VOPP1: variants seen among roughly 807,000 people sequenced by gnomAD.
VOPP1 encodes the protein WW domain binding protein VOPP1.
VOPP1 carries 8 observed loss-of-function variants against 23.5 expected under a neutral mutation model. That is an observed-to-expected ratio of 0.34 (90% CI 0.20 to 0.61). VOPP1 has a LOEUF of 0.61. VOPP1 is among the 20% of genes least tolerant of loss of function. VOPP1 has a pLI of 0.78. For missense variants in VOPP1, 174 were observed against 238.1 expected (o/e 0.73, Z 1.77); for synonymous variants, 83 against 97.3 (o/e 0.85, Z 0.86).
intron 4 of VOPP1, among the ~76,000 whole-genome samples, chr7:55,483,577 G>C (rs955151654): frequency 7.2e-5 from 11 of 152,016 alleles, no homozygotes; most frequent in African/African-American, 2.7e-4. Flanking sequence ...GGGTTCCTTT[G>C]CTTAGGTTTA....
chr7:55,559,285 G>C (rs1797907242), intron 1 of VOPP1, among the ~76,000 whole-genome samples: 1 of 152,142 alleles, frequency 6.6e-6, no homozygotes, highest in South Asian at 2.1e-4. Context: ...TACATCACTA[G>C]GTCATGCTGA....
chr7:55,443,046 G>A (rs1359668065), intron 4 of VOPP1, among the ~76,000 whole-genome samples: 2 of 151,830 alleles, frequency 1.3e-5, no homozygotes, highest in African/African-American at 4.8e-5. Flanking sequence ...GTGAACTCAG[G>A]AGGCAGAGCT....
At chr7:55,534,389 A>G (rs1796663043) in intron 1 of VOPP1, among the ~76,000 whole-genome samples, 1 of 152,194 alleles carries the variant, frequency 6.6e-6, no homozygotes, top group Non-Finnish European at 1.5e-5. Context: ...GCTTGGGCCA[A>G]TTCTCACTTC....
At chr7:55,562,070 G>C in intron 1 of VOPP1, 1 of 703,104 alleles carries the variant, frequency 1.4e-6, no homozygotes, top group Middle Eastern at 2.3e-4. Flanking sequence ...AAATAAAGAT[G>C]ACTAGGCTCC....
intron 1 of VOPP1, among the ~76,000 whole-genome samples, chr7:55,531,666 T>G (rs1796506830): frequency 6.6e-6 from 1 of 152,150 alleles, no homozygotes; most frequent in Non-Finnish European, 1.5e-5. Context: ...TCATCTTTTT[T>G]TGATGTAATT....
chr7:55,521,581 G>A (rs1228652361), intron 1 of VOPP1: 5 of 988,020 alleles, frequency 5.1e-6, no homozygotes, highest in Non-Finnish European at 6.0e-6. Flanking sequence ...TCCGACCTAC[G>A]TCTGCAAGAT....
At chr7:55,513,854 C>T (rs1336111119) in intron 2 of VOPP1, among the ~76,000 whole-genome samples, 3 of 152,204 alleles carry the variant, frequency 2.0e-5, no homozygotes, top group African/African-American at 7.2e-5. Context: ...CTAACCCACC[C>T]TCAATTTTCT....
At chr7:55,436,329 A>C (rs963217953) in intron 4 of VOPP1, among the ~76,000 whole-genome samples, 1 of 152,138 alleles carries the variant, frequency 6.6e-6, no homozygotes, top group African/African-American at 2.4e-5. Context: ...TTGAGCCTCC[A>C]TTTCTTCTCT....
intron 1 of VOPP1, among the ~76,000 whole-genome samples, chr7:55,534,512 T>C (rs1182038555): frequency 6.6e-6 from 1 of 152,228 alleles, no homozygotes; most frequent in Non-Finnish European, 1.5e-5. Flanking sequence ...GGCTCAGTAC[T>C]TTCCCCCAAC....
At chr7:55,560,509 C>G (rs1401709064) in intron 1 of VOPP1, among the ~76,000 whole-genome samples, 1 of 152,168 alleles carries the variant, frequency 6.6e-6, no homozygotes, top group African/African-American at 2.4e-5. Flanking sequence ...CCAAGAAACA[C>G]AGGCAGTCCC....
chr7:55,471,720 A>G lies in VOPP1; in HGVS notation c.*1135T>C, dbSNP rs1200528332. 3 of 151,892 alleles carry G rather than the reference A, an allele frequency of 2.0e-5. No individual in the cohort carries two copies. Among genetic ancestry groups the G allele is most frequent in the Non-Finnish European group, 4.4e-5 (3 of 67,988 alleles). The allele number at this position is 151,892 out of a possible 1,614,324, so 9.4% of individuals were successfully genotyped here. Reference sequence around the variant, plus strand: ...GTGCATTTCCGACCACTTCTTCTTTATTCTAATTATGACAACATGGTCAGT... The same window carrying G: ...GTGCATTTCCGACCACTTCTTCTTTGTTCTAATTATGACAACATGGTCAGT... On this transcript the variant is annotated 3_prime_UTR_variant, in exon 5 of 5. Coordinates refer to ENST00000285279, the MANE Select transcript of VOPP1 (RefSeq NM_030796.5).
chr7:55,455,643 A>C lies in VOPP1; in HGVS notation n.418-19469T>G, dbSNP rs1228109635. On this transcript the variant is annotated intron_variant and non_coding_transcript_variant, in intron 4 of 4. Transcript: ENST00000462326. ...GAACAGAACAGAGACCTCAGAAATA[A>C]CACCACACATCTACAACCATCTGAT... 5.3e-5 allele frequency among the ~76,000 whole-genome samples: 8 copies of C among 152,334 alleles called. No homozygotes were observed. In the East Asian group the frequency reaches 1.5e-3, roughly 29 times the overall value.
At chr7:55,525,229 G>T (rs1325713244) in intron 1 of VOPP1, among the ~76,000 whole-genome samples, 1 of 152,112 alleles carries the variant, frequency 6.6e-6, no homozygotes, top group East Asian at 1.9e-4. Flanking sequence ...GGTGGCTCAA[G>T]CCTGTAATCC....
At chr7:55,456,028 G>A (rs112055409) in intron 4 of VOPP1, among the ~76,000 whole-genome samples, 4 of 152,172 alleles carry the variant, frequency 2.6e-5, no homozygotes, top group South Asian at 2.1e-4. Flanking sequence ...CCTACAGAAC[G>A]GGAGAAAATT....
chr7:55,483,100 A>G (rs541714624), intron 4 of VOPP1, among the ~76,000 whole-genome samples: 1 of 152,264 alleles, frequency 6.6e-6, no homozygotes, highest in South Asian at 2.1e-4. Context: ...CGCTATTCTT[A>G]ATGCTGAACT....
At chr7:55,441,237 G>A (rs1347526905) in intron 4 of VOPP1, among the ~76,000 whole-genome samples, 6 of 152,190 alleles carry the variant, frequency 3.9e-5, no homozygotes, top group Non-Finnish European at 1.5e-5. Context: ...TGGCTGGGGA[G>A]GAGGGAAGGG....
At chr7:55,521,685 G>A in intron 1 of VOPP1, 2 of 987,248 alleles carry the variant, frequency 2.0e-6, no homozygotes, top group Non-Finnish European at 2.4e-6. Context: ...GGGCTTTCCA[G>A]GTAAGTCCAG....
At chr7:55,492,458 G>A (rs780464596) in intron 3 of VOPP1, 40 bp from the exon 4 acceptor site, 49 of 1,568,734 alleles carry the variant, frequency 3.1e-5, no homozygotes, top group Non-Finnish European at 3.6e-5. Context: ...CTCCCAGGTG[G>A]GGGCCCTGAG....
chr7:55,447,492 C>T (rs896514343), intron 4 of VOPP1, among the ~76,000 whole-genome samples: 1 of 152,092 alleles, frequency 6.6e-6, no homozygotes, highest in African/African-American at 2.4e-5. Flanking sequence ...GAGAGACTGA[C>T]CCCAGAGTGA....
Sources: gnomAD v4.1 joint callset for allele counts (sites outside exome capture counted in the v4.1 genomes callset) on GRCh38, gnomAD v4.1.1 for gene constraint, MANE v1.5 for transcripts, NCBI Gene and HGNC (gene_info 2026-07-23, HGNC 2026-07-21) for gene names.